TOR1AIP1: variants seen among roughly 807,000 people sequenced by gnomAD.
TOR1AIP1 encodes torsin-1A-interacting protein 1.
A neutral mutation model predicts 63.3 loss-of-function variants in TOR1AIP1; 54 were observed. The observed-to-expected ratio is 0.85, with a 90% CI of 0.69 to 1.07. The LOEUF is 1.07. Among genes scored for constraint, TOR1AIP1 ranks in the 50% least tolerant of loss-of-function variants. The probability of loss-of-function intolerance (pLI) is 0.00; values close to 1 mark genes in which losing one functional copy is unlikely to be tolerated. For missense variants in TOR1AIP1, 736 were observed against 715.0 expected, an observed-to-expected ratio of 1.03 and a Z score of -0.33; for synonymous variants, 294 against 273.5, an observed-to-expected ratio of 1.07 and a Z score of -0.74.
chr1:179,882,685 C>G lies in TOR1AIP1; in HGVS notation c.183C>G (p.Asp61Glu), dbSNP rs772733249. 1 of 1,603,886 alleles carries G rather than the reference C, an allele frequency of 6.2e-7. No individual in the cohort carries two copies. Among genetic ancestry groups the G allele is most frequent in the Non-Finnish European group, 8.5e-7 (1 of 1,174,330 alleles). ...RQGRREVRFSDEPPEVYGDFE... is the reference protein window; with the variant it reads ...RQGRREVRFSEEPPEVYGDFE... ...GCCGGCGGGAAGTGAGGTTCTCGGA[C>G]GAGCCGCCAGAAGTGTACGGCGACT... The change falls in exon 1 of 10, where the codon GAC (aspartate) becomes GAG (glutamate). Residue 61 changes from aspartate (D) to glutamate (E), a missense_variant. Asp to Glu is a conservative substitution (Grantham distance 45). Transcript: ENST00000606911.
chr1:179,903,090 T>C (rs1032638959), intron 5 of TOR1AIP1, among the ~76,000 whole-genome samples: 3 of 151,936 alleles, frequency 2.0e-5, no homozygotes, highest in Non-Finnish European at 4.4e-5. Context: ...TTTAAACTAA[T>C]TTAGTTATAA....
intron 3 of TOR1AIP1, 67 bp downstream of exon 3, chr1:179,889,436 T>C: frequency 1.5e-6 from 2 of 1,351,838 alleles, no homozygotes; most frequent in Non-Finnish European, 2.1e-6. Flanking sequence ...AATATGGTTG[T>C]ACATGTATTC....
chr1:179,899,556 G>A (rs1352905107), intron 3 of TOR1AIP1, among the ~76,000 whole-genome samples: 2 of 152,180 alleles, frequency 1.3e-5, no homozygotes, highest in Admixed American at 1.3e-4. Flanking sequence ...TAGAATATTT[G>A]TCAATGTAGA....
chr1:179,898,469 CT>C (rs1234171780), intron 3 of TOR1AIP1, among the ~76,000 whole-genome samples: 1 of 152,032 alleles, frequency 6.6e-6, no homozygotes, highest in Non-Finnish European at 1.5e-5. Context: ...TAAAGTAAAA[CT>C]GCTATACAAA....
chr1:179,901,442 C>T (rs1648463040), intron 5 of TOR1AIP1, 54 bp downstream of exon 5: 3 of 1,140,058 alleles, frequency 2.6e-6, no homozygotes, highest in Non-Finnish European at 2.4e-6. Flanking sequence ...CTTTGGTATT[C>T]CATGAATTTG....
intron 3 of TOR1AIP1, among the ~76,000 whole-genome samples, chr1:179,896,338 C>G (rs954208293): frequency 6.6e-6 from 1 of 151,820 alleles, no homozygotes; most frequent in Non-Finnish European, 1.5e-5. Context: ...AGTGCAGGAG[C>G]GTGATCTCGG....
At position 179,882,944 on chromosome 1, in the gene TOR1AIP1, A is replaced by G. The variant is rs748854700; in HGVS notation, c.442A>G (p.Arg148Gly). The change falls in exon 1 of 10, where the codon AGG becomes GGG. Residue 148 changes from arginine to glycine, a missense_variant. Physicochemically the swap from Arg to Gly is moderately radical, Grantham distance 125 (BLOSUM62 -2). Around this residue, in one of 2 missense-constraint regions of TOR1AIP1, gnomAD observed 464 missense variants for 371.0 expected, o/e 1.25. Coordinates refer to ENST00000606911, the MANE Select transcript of TOR1AIP1 (RefSeq NM_015602.4). ...GCTACAGCCGTCTCCTGTTATGACC[A>G]GGAGAGGGCTGCGGGACTCTCATTC... is the stretch of plus-strand genomic sequence containing the variant. ...PPLQPSPVMT[R>G]RGLRDSHSSE... 31 of 1,613,562 alleles carry G rather than the reference A, an allele frequency of 1.9e-5. No individual in the cohort carries two copies. In the East Asian group the frequency reaches 6.7e-4, roughly 35 times the overall value.
In TOR1AIP1 at chr1:179,882,917, C is replaced by T; in HGVS notation, c.415C>T (p.Pro139Ser). 2 of 1,614,112 alleles carry T rather than the reference C, an allele frequency of 1.2e-6. No homozygotes were observed. Among genetic ancestry groups the T allele is most frequent in the Non-Finnish European group, 1.7e-6 (2 of 1,180,024 alleles). Residue 139 changes from proline (P) to serine (S), a missense_variant, in exon 1 of 10, where the codon CCG becomes TCG. Coordinates refer to ENST00000606911, the MANE Select transcript of TOR1AIP1 (RefSeq NM_015602.4). ...TCAGCAGCAGCACTCAGAGCAGCCT[C>T]CGCTACAGCCGTCTCCTGTTATGAC... ...RLQQQHSEQPPLQPSPVMTRR... is the reference protein window; with the variant it reads ...RLQQQHSEQPSLQPSPVMTRR...
intron 2 of TOR1AIP1, among the ~76,000 whole-genome samples, chr1:179,885,547 G>C (rs554801824): frequency 6.6e-6 from 1 of 152,182 alleles, no homozygotes; most frequent in Non-Finnish European, 1.5e-5. Context: ...TTGATATTAG[G>C]AAAGTCTCAC....
At position 179,919,058 on chromosome 1, in the gene TOR1AIP1, G is replaced by GT. The variant is rs1232682739; in HGVS notation, c.*821dup. The GT allele has an allele frequency of 4.6e-5, 7 of 152,206 alleles. No homozygotes were observed. Among genetic ancestry groups the GT allele is most frequent in the African/African-American group, 1.7e-4 (7 of 41,424 alleles). The allele number at this position is 152,206 out of a possible 1,614,324, so 9.4% of individuals were successfully genotyped here. On this transcript the variant is annotated 3_prime_UTR_variant, in exon 10 of 10. Transcript: ENST00000606911. ...GCAGGTGGATCACCTGAGGTCAGAA[G>GT]TTCAAGACCAGCCTGGCCAACATGG...
chr1:179,907,478 G>C (rs1160953457), intron 6 of TOR1AIP1, among the ~76,000 whole-genome samples: 1 of 148,170 alleles, frequency 6.7e-6, no homozygotes, highest in Non-Finnish European at 1.5e-5. Flanking sequence ...TGATATATAT[G>C]ACTATATGTA....
At chr1:179,888,431 G>A (rs182198029) in intron 2 of TOR1AIP1, among the ~76,000 whole-genome samples, 1 of 152,238 alleles carries the variant, frequency 6.6e-6, no homozygotes, top group East Asian at 1.9e-4. Context: ...ACACCACTAT[G>A]CCCAGACAGG....
chr1:179,919,277 A>G lies in TOR1AIP1; in HGVS notation c.*1038A>G, dbSNP rs1455577708. 2 of 152,134 alleles carry G rather than the reference A, an allele frequency of 1.3e-5. No individual in the cohort carries two copies. The highest frequency in any genetic ancestry group is 2.4e-5 in the African/African-American group (1 of 41,422). 9.4% of individuals were successfully genotyped at this position (152,134 alleles called of 1,614,324 possible). A position where few individuals can be genotyped will look rare whatever the true frequency, so the allele number is the denominator to read the frequency against. ...TGAAACTCCGTCTCAAAAAAAAAAA[A>G]GTAGGTCAATTCGTAACAGTTTATT... On this transcript the variant is annotated 3_prime_UTR_variant, in exon 10 of 10. Transcript: ENST00000606911.
At chr1:179,907,936 A>C in intron 7 of TOR1AIP1, 72 bp downstream of exon 7, 1 of 214,554 alleles carries the variant, frequency 4.7e-6, no homozygotes, top group Non-Finnish European at 6.2e-6. Flanking sequence ...TTTTTTTTTG[A>C]GACGATGTCT....
chr1:179,909,033 C>T (rs936664344), intron 8 of TOR1AIP1, among the ~76,000 whole-genome samples: 5 of 151,950 alleles, frequency 3.3e-5, no homozygotes, highest in African/African-American at 1.2e-4. Context: ...ATTAGCTGGG[C>T]GTGGCGGCGG....
Position 179,917,553 on chromosome 1 carries a change from A to G in TOR1AIP1, c.1066A>G (p.Ser356Gly), listed in dbSNP as rs1479072096. Reference protein sequence around the residue: ...ALASGSFWFFSTPEVETTAVQ... With the variant: ...ALASGSFWFFGTPEVETTAVQ... Reference sequence around the variant, plus strand: ...TGCCTCTGGGAGTTTTTGGTTCTTTAGTACTCCTGAGGTAGAAACCACTGC... The same window carrying G: ...TGCCTCTGGGAGTTTTTGGTTCTTTGGTACTCCTGAGGTAGAAACCACTGC... Residue 356 changes from serine to glycine, a missense_variant, in exon 10 of 10, where the codon AGT becomes GGT. Around this residue, in one of 2 missense-constraint regions of TOR1AIP1, gnomAD observed 272 missense variants for 344.1 expected, o/e 0.79. Coordinates refer to ENST00000606911, the MANE Select transcript of TOR1AIP1 (RefSeq NM_015602.4). 1.2e-6 allele frequency: 2 copies of G among 1,614,134 alleles called. No homozygotes were observed. The highest frequency in any genetic ancestry group is 1.1e-5 in the South Asian group (1 of 91,084).
chr1:179,886,790 G>T (rs1314681643), intron 2 of TOR1AIP1, among the ~76,000 whole-genome samples: 4 of 152,316 alleles, frequency 2.6e-5, no homozygotes, highest in Admixed American at 1.3e-4. Flanking sequence ...AGAGGTTTGA[G>T]ATACTCAGGG....
chr1:179,884,170 A>G (rs1558037812), intron 1 of TOR1AIP1: 1 of 156,842 alleles, frequency 6.4e-6, no homozygotes, highest in Non-Finnish European at 1.4e-5. Context: ...TTTTGCAGAC[A>G]AGGAGCCTAT....
intron 6 of TOR1AIP1, among the ~76,000 whole-genome samples, chr1:179,906,841 C>G (rs1648652006): frequency 6.6e-6 from 1 of 150,490 alleles, no homozygotes; most frequent in Admixed American, 6.6e-5. Flanking sequence ...AGGTTCACGC[C>G]CTTCTTCTGC....
Sources: gnomAD v4.1 joint callset for allele counts (sites outside exome capture counted in the v4.1 genomes callset) on GRCh38, gnomAD v4.1.1 for gene constraint, gnomAD v4.1.1 regional missense constraint, MANE v1.5 for transcripts, NCBI Gene and HGNC (gene_info 2026-07-23, HGNC 2026-07-21) for gene names.